The following NFYC variants were observed in gnomAD, a reference collection of about 807,000 sequenced individuals.
NFYC encodes nuclear transcription factor Y subunit gamma.
Under a neutral mutation model 53.1 loss-of-function variants are expected in NFYC, and 25 were observed. The ratio of observed to expected loss-of-function variants is 0.47; its 90% CI spans 0.34 to 0.66. The LOEUF is 0.66. Ranked by LOEUF, NFYC falls within the 30% of genes least tolerant of loss-of-function variation. NFYC has a pLI of 0.01. For missense variants in NFYC, 260 were observed against 422.7 expected (o/e 0.62, Z 3.38); for synonymous variants, 145 against 152.6 (o/e 0.95, Z 0.37).
intron 7 of NFYC, 103 bp from the exon 8 acceptor site, chr1:40,766,493 C>G (rs931105810): frequency 1.2e-6 from 1 of 824,144 alleles, no homozygotes; most frequent in Non-Finnish European, 1.9e-6. Context: ...CTTTGGAGGG[C>G]TTGAGGGGTA....
chr1:40,747,656 A>G (rs1478150923), intron 3 of NFYC, 51 bp downstream of exon 3: 3 of 1,193,680 alleles, frequency 2.5e-6, no homozygotes, highest in African/African-American at 3.0e-5. Context: ...AGTGATGGGT[A>G]GGTTATTGCT....
chr1:40,770,126 C>T lies in NFYC; in HGVS notation c.889-583C>T, dbSNP rs751269705. On this transcript the variant is annotated intron_variant, in intron 9 of 9. Transcript: ENST00000447388. This position sits in a 1 kb window ranked among gnomAD's most constrained non-coding sequence, Gnocchi z 5.3. The stretch of plus-strand genomic sequence containing the variant: ...TGGGAAACCAAGTAGTCAATTAGCC[C>T]TGACCTTCCTAAGTGGCTGTGTGAG... Among the ~76,000 whole-genome samples the T allele has an allele frequency of 7.7e-4, 118 of 152,304 alleles. No homozygotes were observed. The highest frequency in any genetic ancestry group is 1.1e-3 in the Non-Finnish European group (74 of 68,020).
chr1:40,707,916 T>C (rs540047603), intron 1 of NFYC, among the ~76,000 whole-genome samples: 39 of 152,052 alleles, frequency 2.6e-4, no homozygotes, highest in Non-Finnish European at 4.4e-4. Context: ...ACTCTGTGAC[T>C]GCCCTAAATA....
chr1:40,770,511 C>CTGT lies in NFYC; in HGVS notation c.889-198_889-197insTGT. On this transcript the variant is annotated intron_variant, in intron 9 of 9. Coordinates refer to ENST00000447388, the MANE Select transcript of NFYC (RefSeq NM_014223.5). The surrounding 1 kb of genome is among the most constrained non-coding windows in gnomAD (Gnocchi z 5.3). ...CACCTCTTCCCTGCCCACCACACAC[C>CTGT]CCCCCTCACACCGGGCTGGTGCCTC... is the stretch of plus-strand genomic sequence containing the variant. 1.3e-6 allele frequency: 2 copies of CTGT among 1,555,572 alleles called. No individual in the cohort carries two copies. The highest frequency in any genetic ancestry group is 2.4e-5 in the South Asian group (2 of 84,676).
At chr1:40,709,862 A>G (rs1643879292) in intron 1 of NFYC, among the ~76,000 whole-genome samples, 1 of 152,218 alleles carries the variant, frequency 6.6e-6, no homozygotes, top group Non-Finnish European at 1.5e-5. Flanking sequence ...CACAGAAGCA[A>G]AACACTTTTC....
At chr1:40,724,576 A>G (rs985048855) in intron 1 of NFYC, among the ~76,000 whole-genome samples, 1 of 152,170 alleles carries the variant, frequency 6.6e-6, no homozygotes, top group Non-Finnish European at 1.5e-5. Context: ...AGATGGTTTA[A>G]GTTTGAGCAT....
chr1:40,744,262 T>A (rs1022896201), intron 2 of NFYC, among the ~76,000 whole-genome samples: 5 of 152,132 alleles, frequency 3.3e-5, no homozygotes, highest in Non-Finnish European at 7.3e-5. Flanking sequence ...TCTGGAAAAA[T>A]TGTCTTGCAC....
chr1:40,769,107 G>T (rs1236082045), intron 8 of NFYC: 3 of 450,518 alleles, frequency 6.7e-6, no homozygotes, highest in Non-Finnish European at 1.2e-5. Flanking sequence ...GCATTCATTA[G>T]AGAGATGGGT....
chr1:40,746,548 G>A (rs1259226971), intron 2 of NFYC, among the ~76,000 whole-genome samples: 1 of 152,150 alleles, frequency 6.6e-6, no homozygotes, highest in Admixed American at 6.5e-5. Flanking sequence ...AGCATATTAG[G>A]TTTAGTGAGT....
rs750096850 is a variant in NFYC, at chr1:40,770,143, CTG to C, written c.889-561_889-560del. ...AATTAGCCCTGACCTTCCTAAGTGG[CTG>C]TGTGAGTATCTTCTCCACCCCTGGA... On this transcript the variant is annotated intron_variant, in intron 9 of 9. Coordinates refer to ENST00000447388, the MANE Select transcript of NFYC (RefSeq NM_014223.5). This position sits in a 1 kb window ranked among gnomAD's most constrained non-coding sequence, Gnocchi z 5.3. Among the ~76,000 whole-genome samples the C allele has an allele frequency of 1.3e-5, 2 of 152,176 alleles. No individual in the cohort carries two copies. Among genetic ancestry groups the C allele is most frequent in the African/African-American group, 2.4e-5 (1 of 41,438 alleles).
intron 2 of NFYC, among the ~76,000 whole-genome samples, chr1:40,747,233 G>T (rs565065556): frequency 1.0e-5 from 1 of 99,490 alleles, no homozygotes. Context: ...GTCCCTCTAT[G>T]TTGTGCTGAC....
chr1:40,762,683 T>C (rs1203906471), intron 6 of NFYC, among the ~76,000 whole-genome samples: 3 of 152,176 alleles, frequency 2.0e-5, no homozygotes, highest in Non-Finnish European at 4.4e-5. Context: ...CCTAAAAATA[T>C]TTTTGGTTTT....
intron 6 of NFYC, 114 bp downstream of exon 6, chr1:40,758,408 T>G (rs1646348266): frequency 6.7e-6 from 8 of 1,202,648 alleles, no homozygotes; most frequent in Non-Finnish European, 7.9e-6. Flanking sequence ...GCACTGGATT[T>G]AAAGTCTGGA....
intron 6 of NFYC, among the ~76,000 whole-genome samples, chr1:40,761,813 T>C (rs1258496617): frequency 6.6e-6 from 1 of 152,182 alleles, no homozygotes; most frequent in Non-Finnish European, 1.5e-5. Context: ...GAGAGTTCCA[T>C]AGTCTTCTTA....
At position 40,721,062 on chromosome 1, in the gene NFYC, T is replaced by TA. The variant is rs747288460; in HGVS notation, c.-8-17767dup. 2.0e-5 allele frequency among the ~76,000 whole-genome samples: 3 copies of TA among 151,956 alleles called. No individual in the cohort carries two copies. In the East Asian group the frequency reaches 5.8e-4, roughly 29 times the overall value. ...TAAGCTTAAAAAATAATATGCCCCCTAAAAAAAGAGAACATGTTACACAAG... is the reference window on the plus strand; with the variant it reads ...TAAGCTTAAAAAATAATATGCCCCCTAAAAAAAAGAGAACATGTTACACAAG... On this transcript the variant is annotated intron_variant, in intron 1 of 9. Coordinates refer to ENST00000447388, the MANE Select transcript of NFYC (RefSeq NM_014223.5).
chr1:40,737,878 A>T (rs1213649828), intron 1 of NFYC, among the ~76,000 whole-genome samples: 1 of 151,348 alleles, frequency 6.6e-6, no homozygotes, highest in Non-Finnish European at 1.5e-5. Flanking sequence ...AAAACAAAAG[A>T]AGAAACTTAG....
At chr1:40,767,795 A>G (rs937489818) in intron 8 of NFYC, among the ~76,000 whole-genome samples, 1 of 152,134 alleles carries the variant, frequency 6.6e-6, no homozygotes, top group African/African-American at 2.4e-5. Flanking sequence ...CCTGGCCAAC[A>G]TGGCAAAACC....
chr1:40,760,909 G>T (rs1456041423), intron 6 of NFYC, among the ~76,000 whole-genome samples: 1 of 152,122 alleles, frequency 6.6e-6, no homozygotes, highest in South Asian at 2.1e-4. Context: ...ACCTTCTTTG[G>T]CTAATGCTTG....
At chr1:40,763,718 C>T (rs1003405950) in intron 7 of NFYC, among the ~76,000 whole-genome samples, 1 of 152,298 alleles carries the variant, frequency 6.6e-6, no homozygotes, top group South Asian at 2.1e-4. Flanking sequence ...GTGTTCCTGA[C>T]CACAACTTGC....
Sources: gnomAD v4.1 joint callset for allele counts (sites outside exome capture counted in the v4.1 genomes callset) on GRCh38, gnomAD v4.1.1 for gene constraint, Gnocchi (gnomAD v3.1) non-coding constraint, MANE v1.5 for transcripts, NCBI Gene and HGNC (gene_info 2026-07-23, HGNC 2026-07-21) for gene names.